Variants in NAV2 observed in about 807,000 individuals in gnomAD.
NAV2 encodes the protein neuron navigator 2.
A neutral mutation model predicts 223.2 loss-of-function variants in NAV2; 54 were observed. The ratio of observed to expected loss-of-function variants is 0.24; its 90% CI spans 0.19 to 0.30. NAV2 has a LOEUF of 0.30. Among genes scored for constraint, NAV2 ranks in the 10% least tolerant of loss-of-function variants. The pLI is 1.00. For synonymous variants in NAV2, 1,279 were observed against 1,239.3 expected, an observed-to-expected ratio of 1.03 and a Z score of -0.67; for missense variants, 2,806 against 3,147.5, an observed-to-expected ratio of 0.89 and a Z score of 2.60.
At chr11:20,026,829 C>T (rs533030649) in intron 11 of NAV2, among the ~76,000 whole-genome samples, 1 of 152,210 alleles carries the variant, frequency 6.6e-6, no homozygotes, top group African/African-American at 2.4e-5. Flanking sequence ...TCCTCAATTG[C>T]CTCATCTGTA....
At chr11:20,089,863 A>G (rs942670514) in intron 26 of NAV2, among the ~76,000 whole-genome samples, 2 of 152,244 alleles carry the variant, frequency 1.3e-5, no homozygotes, top group African/African-American at 2.4e-5. Context: ...CCACCTCTTC[A>G]GAAAGAGGAA....
At chr11:19,728,646 G>T (rs1444454419) in intron 1 of NAV2, among the ~76,000 whole-genome samples, 2 of 152,234 alleles carry the variant, frequency 1.3e-5, no homozygotes, top group Non-Finnish European at 2.9e-5. Flanking sequence ...TCACAGGGCT[G>T]CTCTCAGCAC....
At chr11:19,828,835 A>G (rs1169284087) in intron 1 of NAV2, among the ~76,000 whole-genome samples, 1 of 152,122 alleles carries the variant, frequency 6.6e-6, no homozygotes, top group Non-Finnish European at 1.5e-5. Flanking sequence ...TGTGTAGGTA[A>G]ATCAAAGTTG....
chr11:19,350,448 C>T (rs1218210786), upstream of NAV2, among the ~76,000 whole-genome samples: 1 of 152,220 alleles, frequency 6.6e-6, no homozygotes, highest in Non-Finnish European at 1.5e-5. Context: ...TTGCAGGAGC[C>T]ATGAGGGGCG....
intron 1 of NAV2, among the ~76,000 whole-genome samples, chr11:19,651,635 C>T (rs1590038485): frequency 6.6e-6 from 1 of 152,202 alleles, no homozygotes; most frequent in Non-Finnish European, 1.5e-5. Context: ...ATGACACCCA[C>T]TTTGAAATTT....
intron 6 of NAV2, among the ~76,000 whole-genome samples, chr11:19,899,383 G>T (rs932532724): frequency 2.0e-5 from 3 of 152,172 alleles, no homozygotes; most frequent in African/African-American, 7.2e-5. Context: ...CCATGGAAAA[G>T]TTGCCCACGT....
At chr11:19,717,626 G>T (rs2050409031) in intron 1 of NAV2, among the ~76,000 whole-genome samples, 1 of 152,246 alleles carries the variant, frequency 6.6e-6, no homozygotes, top group Non-Finnish European at 1.5e-5. Flanking sequence ...TGAAGAGAAA[G>T]AACAAAGGCT....
At chr11:19,914,222 A>C (rs1387033013) in intron 6 of NAV2, among the ~76,000 whole-genome samples, 1 of 152,218 alleles carries the variant, frequency 6.6e-6, no homozygotes, top group Non-Finnish European at 1.5e-5. Context: ...CACATGTGGA[A>C]GACCCAGTGT....
chr11:19,905,381 T>A (rs1363961464), intron 6 of NAV2, among the ~76,000 whole-genome samples: 2 of 152,140 alleles, frequency 1.3e-5, no homozygotes, highest in Non-Finnish European at 2.9e-5. Flanking sequence ...CTTGCCCTCA[T>A]CTAAGAGCCA....
At chr11:20,114,332 G>T in intron 36 of NAV2, 2 of 547,018 alleles carry the variant, frequency 3.7e-6, no homozygotes, top group Non-Finnish European at 6.6e-6. Context: ...CGGTGAGTCA[G>T]TGGCAGAGCT....
intron 1 of NAV2, among the ~76,000 whole-genome samples, chr11:19,751,666 A>G (rs148960763): frequency 2.3e-3 from 348 of 152,160 alleles, no homozygotes; most frequent in African/African-American, 8.2e-3. Flanking sequence ...TAGCACCCCA[A>G]TATTCTCTAC....
At position 19,472,745 on chromosome 11, in the gene NAV2, C is replaced by T. The variant is rs116284335; in HGVS notation, c.75+121718C>T. On this transcript the variant is annotated intron_variant, in intron 1 of 37. Coordinates refer to the NAV2 transcript ENST00000360655. ...AGGCTTGTTTCCTGGTTGATTTAGGCGGTGCTACTAAACTGAGCGGTAGTT... is the reference window on the plus strand; with the variant it reads ...AGGCTTGTTTCCTGGTTGATTTAGGTGGTGCTACTAAACTGAGCGGTAGTT... Among the ~76,000 whole-genome samples the T allele has an allele frequency of 5.2e-3, 794 of 152,250 alleles. 9 individuals are homozygous for T. Among genetic ancestry groups the T allele is most frequent in the African/African-American group, 0.018 (751 of 41,526 alleles).
chr11:19,393,535 A>C (rs1180082968), intron 1 of NAV2, among the ~76,000 whole-genome samples: 1 of 152,256 alleles, frequency 6.6e-6, no homozygotes, highest in Non-Finnish European at 1.5e-5. Flanking sequence ...CTATATCTGT[A>C]CTATGAAATT....
intron 1 of NAV2, among the ~76,000 whole-genome samples, chr11:19,800,780 C>A (rs2058205756): frequency 6.6e-6 from 1 of 151,700 alleles, no homozygotes; most frequent in Non-Finnish European, 1.5e-5. Flanking sequence ...TTTCATTACA[C>A]CATGATTAAA....
chr11:20,097,674 C>G lies in NAV2; in HGVS notation c.6110C>G (p.Ser2037Cys). Residue 2037 changes from serine to cysteine, a missense_variant, in exon 31 of 38, where the codon TCC becomes TGC. By Grantham distance (112) the Ser-to-Cys change is moderately radical. Coordinates refer to ENST00000349880, the MANE Select transcript of NAV2 (RefSeq NM_145117.5). Reference sequence around the variant, plus strand: ...GGAGAAATCAAGCGCAGCAACACTTCCGAAACACCGGAGCTGCTTCCTTGT... The same window carrying G: ...GGAGAAATCAAGCGCAGCAACACTTGCGAAACACCGGAGCTGCTTCCTTGT... ...SIGEIKRSNT[S>C]ETPELLPCGY... 1 of 1,613,462 alleles carries G rather than the reference C, an allele frequency of 6.2e-7. No homozygotes were observed.
In NAV2 at chr11:20,107,057, A is replaced by ATTTTTTTT. The variant is rs10590815; in HGVS notation, c.6842-576_6842-569dup. Among the ~76,000 whole-genome samples the ATTTTTTTT allele has an allele frequency of 9.2e-4, 25 of 27,254 alleles. 4 individuals are homozygous for ATTTTTTTT. Among genetic ancestry groups the ATTTTTTTT allele is most frequent in the African/African-American group, 3.2e-3 (24 of 7,388 alleles). The allele number at this position is 27,254 out of a possible 152,430, so 17.9% of individuals were successfully genotyped here. A position where few individuals can be genotyped will look rare whatever the true frequency, so the allele number is the denominator to read the frequency against. On this transcript the variant is annotated intron_variant, in intron 35 of 37. Transcript: ENST00000349880. ...TTTGGACTTGCAGTCATGGGCTTCCATTTTTTTTTTTTTTTTTTTTTTTTT... is the reference window on the plus strand; with the variant it reads ...TTTGGACTTGCAGTCATGGGCTTCCATTTTTTTTTTTTTTTTTTTTTTTTTTTTTTTTT...
intron 5 of NAV2, among the ~76,000 whole-genome samples, chr11:19,886,888 T>G (rs944413596): frequency 6.6e-6 from 1 of 152,160 alleles, no homozygotes; most frequent in Non-Finnish European, 1.5e-5. Context: ...ACTTAGAGTT[T>G]CTTTGAGATA....
At chr11:19,945,136 T>A (rs1215450425) in intron 8 of NAV2, among the ~76,000 whole-genome samples, 8 of 141,366 alleles carry the variant, frequency 5.7e-5, no homozygotes, top group Non-Finnish European at 9.4e-5. Context: ...TTTCTTTCTT[T>A]CTTCCTTTCT....
intron 20 of NAV2, among the ~76,000 whole-genome samples, chr11:20,063,667 G>A (rs922979424): frequency 3.3e-5 from 5 of 152,084 alleles, no homozygotes; most frequent in East Asian, 1.9e-4. Context: ...GAGCCACCGC[G>A]CATGGCTATA....
Sources: allele counts gnomAD v4.1 joint callset (sites outside exome capture counted in the v4.1 genomes callset), GRCh38; gene constraint gnomAD v4.1.1; transcripts MANE v1.5; gene names NCBI Gene and HGNC (gene_info 2026-07-23, HGNC 2026-07-21).